Variants in NCOR2 observed in about 807,000 individuals in gnomAD.
The protein encoded by NCOR2 is CTG repeat protein 26.
Under a neutral mutation model 262.9 loss-of-function variants are expected in NCOR2, and 81 were observed. The observed-to-expected ratio is 0.31, with a 90% CI of 0.26 to 0.37. The LOEUF is 0.37. Ranked by LOEUF, NCOR2 falls within the 10% of genes least tolerant of loss-of-function variation. The pLI, the probability that NCOR2 is intolerant of heterozygous loss-of-function variation, is 1.00. For missense variants in NCOR2, 3,385 were observed against 3,621.4 expected (o/e 0.93, Z 1.68); for synonymous variants, 1,659 against 1,559.3 (o/e 1.06, Z -1.51).
intron 30 of NCOR2, 100 bp downstream of exon 32, chr12:124,347,725 C>T: frequency 8.2e-7 from 1 of 1,220,010 alleles, no homozygotes; most frequent in African/African-American, 1.5e-5. Flanking sequence ...GCATACTTGT[C>T]CTGAGTTCCC....
upstream of NCOR2, among the ~76,000 whole-genome samples, chr12:124,498,129 A>G (rs912712549): frequency 6.6e-6 from 1 of 152,142 alleles, no homozygotes; most frequent in Non-Finnish European, 1.5e-5. Flanking sequence ...CCCCTCTTTC[A>G]AGGGCACCAC....
chr12:124,354,340 G>A (rs2037771023), intron 26 of NCOR2, 138 bp downstream of exon 28: 2 of 1,152,174 alleles, frequency 1.7e-6, no homozygotes, highest in Admixed American at 4.4e-5. Context: ...CCCCTAAATG[G>A]TGAGGGAGAC....
chr12:124,473,785 G>GT (rs2046949897), intron 3 of NCOR2, among the ~76,000 whole-genome samples: 2 of 151,922 alleles, frequency 1.3e-5, no homozygotes, highest in African/African-American at 4.8e-5. Flanking sequence ...CCAGTCTTGG[G>GT]TATGTCTTTA....
chr12:124,398,288 G>C (rs117510453), intron 15 of NCOR2, 107 bp from the exon 18 acceptor site: 5 of 1,234,266 alleles, frequency 4.1e-6, no homozygotes, highest in Middle Eastern at 2.2e-4. Context: ...AGGCCTTGAC[G>C]GTGTCACCGC....
chr12:124,541,826 G>C (rs2051369208), intron 1 of NCOR2, among the ~76,000 whole-genome samples: 1 of 37,180 alleles, frequency 2.7e-5, no homozygotes, highest in African/African-American at 9.2e-5. Context: ...AGTGGAGATG[G>C]AGGGGGATGG....
chr12:124,325,480 A>T (rs1367592482), exon 47 of NCOR2: 7 of 1,255,824 alleles, frequency 5.6e-6, no homozygotes, highest in South Asian at 1.9e-5. Flanking sequence ...GGTGGGGGCC[A>T]GCGAGGGGCC....
Position 124,348,565 on chromosome 12 carries a change from T to C in NCOR2, c.3845-251A>G, listed in dbSNP as rs1480109996. The C allele has an allele frequency of 1.9e-5, 10 of 529,946 alleles. No individual in the cohort carries two copies. In the South Asian group the frequency reaches 2.7e-4, roughly 14 times the overall value. 32.8% of individuals were successfully genotyped at this position (529,946 alleles called of 1,614,324 possible). On this transcript the variant is annotated intron_variant, in intron 28 of 46. Transcript: ENST00000405201. ...TGCAGGGCACGCTGCCTGCACCCTGTACCCTAGCCCTCCAGGGTGCTCTGT... is the reference window on the plus strand; with the variant it reads ...TGCAGGGCACGCTGCCTGCACCCTGCACCCTAGCCCTCCAGGGTGCTCTGT...
intron 20 of NCOR2, among the ~76,000 whole-genome samples, chr12:124,370,064 C>T (rs968673497): frequency 6.6e-6 from 1 of 152,202 alleles, no homozygotes; most frequent in African/African-American, 2.4e-5. Flanking sequence ...ACTCTGTCCC[C>T]ACAGCCAGCA....
chr12:124,397,996 C>T, intron 16 of NCOR2, 123 bp downstream of exon 18: 1 of 1,128,406 alleles, frequency 8.9e-7, no homozygotes, highest in Non-Finnish European at 1.3e-6. Context: ...ACCAGAACCT[C>T]ACCAGAGGCC....
chr12:124,361,240 C>T (rs951630787), intron 22 of NCOR2, among the ~76,000 whole-genome samples: 1 of 152,082 alleles, frequency 6.6e-6, no homozygotes, highest in African/African-American at 2.4e-5. Context: ...GTCAGGAGGT[C>T]GGCCTGGTGT....
intron 1 of NCOR2, among the ~76,000 whole-genome samples, chr12:124,558,769 C>T (rs1351357564): frequency 6.6e-6 from 1 of 152,140 alleles, no homozygotes; most frequent in African/African-American, 2.4e-5. Flanking sequence ...AGAGGGGCTA[C>T]GACACGGTCT....
At position 124,504,061 on chromosome 12, in the gene NCOR2, C is replaced by T. The variant is rs1043567674; in HGVS notation, c.-117-8693G>A. On this transcript the variant is annotated intron_variant, in intron 1 of 46. Transcript: ENST00000404621. The surrounding 1 kb of genome is among the most constrained non-coding windows in gnomAD (Gnocchi z 4.5). ...CCTCCAGTCCCAAACCCAGACTCAGCGTGGGAGGGTCTCAACTCTCCCGAG... is the reference window on the plus strand; with the variant it reads ...CCTCCAGTCCCAAACCCAGACTCAGTGTGGGAGGGTCTCAACTCTCCCGAG... Among the ~76,000 whole-genome samples the T allele has an allele frequency of 1.1e-4, 16 of 152,164 alleles. No individual in the cohort carries two copies. Among genetic ancestry groups the T allele is most frequent in the African/African-American group, 3.6e-4 (15 of 41,426 alleles).
chr12:124,351,256 T>A (rs532092599), intron 27 of NCOR2, among the ~76,000 whole-genome samples: 2 of 152,304 alleles, frequency 1.3e-5, no homozygotes, highest in Admixed American at 1.3e-4. Context: ...CGTGACCACG[T>A]CATGCACTTT....
At chr12:124,495,354 C>T (rs1019013790), upstream of NCOR2, 6 of 1,450,210 alleles carry the variant, frequency 4.1e-6, no homozygotes, top group African/African-American at 4.3e-5. The surrounding 1 kb of genome is among the most constrained non-coding windows in gnomAD (Gnocchi z 4.4). Flanking sequence ...TCACGGGCCA[C>T]CCCGTCACTG....
chr12:124,495,473 C>T (rs930323056), upstream of NCOR2: 3 of 804,244 alleles, frequency 3.7e-6, no homozygotes, highest in East Asian at 3.1e-5. This position sits in a 1 kb window ranked among gnomAD's most constrained non-coding sequence, Gnocchi z 4.4. Context: ...GACACGCGAG[C>T]ACCCAGGGGC....
At chr12:124,487,795 G>A (rs1470139515) in intron 1 of NCOR2, among the ~76,000 whole-genome samples, 1 of 151,800 alleles carries the variant, frequency 6.6e-6, no homozygotes, top group Non-Finnish European at 1.5e-5. Flanking sequence ...TATCATAGGG[G>A]GTAAAACTCA....
chr12:124,520,526 T>C (rs1003356963), intron 1 of NCOR2, among the ~76,000 whole-genome samples: 5 of 152,182 alleles, frequency 3.3e-5, no homozygotes, highest in African/African-American at 9.7e-5. Flanking sequence ...CTGTGTGCTA[T>C]GGGCAGGTTT....
In NCOR2 at chr12:124,442,503, G is replaced by A. The variant is rs151223337; in HGVS notation, c.816-4507C>T. Among the ~76,000 whole-genome samples the A allele has an allele frequency of 5.1e-4, 77 of 152,336 alleles. 1 individual carries two copies. The highest frequency in any genetic ancestry group is 3.1e-3 in the Admixed American group (48 of 15,302). The stretch of plus-strand genomic sequence containing the variant: ...GTCCACATGAGGGGTGCCAGGTGAC[G>A]TGTGTGGGGGAACTCTGTGGAGCGT... On this transcript the variant is annotated intron_variant, in intron 7 of 46. Transcript: ENST00000405201.
Position 124,382,424 on chromosome 12 carries a change from C to T in NCOR2, c.2019+3321G>A, listed in dbSNP as rs76595732. Among the ~76,000 whole-genome samples the T allele has an allele frequency of 6.0e-3, 911 of 152,306 alleles. 10 individuals carry two copies. The highest frequency in any genetic ancestry group is 0.021 in the African/African-American group (867 of 41,562). Reference sequence around the variant, plus strand: ...ACCCCACACTCCCAAATCACTCATTCTCATCCAGGTCCCAACCTGGATCTC... The same window carrying T: ...ACCCCACACTCCCAAATCACTCATTTTCATCCAGGTCCCAACCTGGATCTC... On this transcript the variant is annotated intron_variant, in intron 17 of 46. Coordinates refer to ENST00000405201, the Ensembl canonical transcript of NCOR2.
Sources: allele counts gnomAD v4.1 joint callset (sites outside exome capture counted in the v4.1 genomes callset), GRCh38; gene constraint gnomAD v4.1.1; non-coding constraint Gnocchi (gnomAD v3.1); transcripts MANE v1.5; gene names NCBI Gene and HGNC (gene_info 2026-07-23, HGNC 2026-07-21).